Variants in CCN4 observed in about 807,000 individuals in gnomAD.
The protein encoded by CCN4 is CCN family member 4.
CCN4 carries 30 observed loss-of-function variants against 36.7 expected under a neutral mutation model. That is an observed-to-expected ratio of 0.82 (90% CI 0.61 to 1.11). The LOEUF (loss-of-function observed/expected upper bound fraction) is 1.11, where lower values mean the gene tolerates loss of function less well. CCN4 is among the 50% of genes least tolerant of loss of function. The pLI is 0.00. For synonymous variants in CCN4, 191 were observed against 195.4 expected, an observed-to-expected ratio of 0.98 and a Z score of 0.19; for missense variants, 505 against 504.9, an observed-to-expected ratio of 1.00 and a Z score of 0.00.
chr8:133,222,484 G>A lies in CCN4; in HGVS notation c.610+1643G>A, dbSNP rs533086793. ...TTCTCTTTATGGGGAGGAAGGAGAC[G>A]AAATAGGAGAGCTCTGAAGTCATCT... On this transcript the variant is annotated intron_variant, in intron 3 of 4. Transcript: ENST00000250160. Among the ~76,000 whole-genome samples the A allele has an allele frequency of 1.1e-4, 16 of 151,906 alleles. No homozygotes were observed. In the South Asian group the frequency reaches 2.3e-3, roughly 22 times the overall value.
chr8:133,223,112 T>C (rs72731542), intron 3 of CCN4, among the ~76,000 whole-genome samples: 7,679 of 152,012 alleles, frequency 0.051, 256 homozygotes, highest in African/African-American at 0.081. Context: ...CCTGTGAGGA[T>C]AGGAGGAGGC....
intron 1 of CCN4, among the ~76,000 whole-genome samples, chr8:133,196,563 C>T (rs764706997): frequency 3.3e-5 from 5 of 152,212 alleles, no homozygotes; most frequent in Non-Finnish European, 7.4e-5. Flanking sequence ...CACAAGTGTG[C>T]CTAAGGCTAT....
intron 3 of CCN4, among the ~76,000 whole-genome samples, chr8:133,221,906 AATGGATGGATGGAGG>A (rs1477592991): frequency 6.7e-6 from 1 of 148,610 alleles, no homozygotes; most frequent in Non-Finnish European, 1.5e-5. Flanking sequence ...TGGGTCAATT[AATGGATGGATGGAGG>A]ATGGATGGAT....
Position 133,220,164 on chromosome 8 carries a change from G to T in CCN4, c.350-417G>T, listed in dbSNP as rs140455000. ...AAGGCTCCATGAATGTGTATGGAAT[G>T]AATGGAACACGTGTTTCGAAGTGTT... is the stretch of plus-strand genomic sequence containing the variant. On this transcript the variant is annotated intron_variant, in intron 2 of 4. Coordinates refer to ENST00000250160, the MANE Select transcript of CCN4 (RefSeq NM_003882.4). 2.7e-3 allele frequency among the ~76,000 whole-genome samples: 409 copies of T among 152,186 alleles called. 3 individuals are homozygous for T. Among genetic ancestry groups the T allele is most frequent in the Admixed American group, 0.015 (232 of 15,294 alleles).
chr8:133,210,371 A>G (rs1032502549), intron 1 of CCN4, among the ~76,000 whole-genome samples: 2 of 149,106 alleles, frequency 1.3e-5, no homozygotes, highest in African/African-American at 5.1e-5. Context: ...GTCTCTCCCC[A>G]AAGTCAAAAA....
At chr8:133,200,118 A>G (rs1853533473) in intron 1 of CCN4, among the ~76,000 whole-genome samples, 2 of 152,144 alleles carry the variant, frequency 1.3e-5, no homozygotes, top group African/African-American at 4.8e-5. Flanking sequence ...GGAGGAGGGA[A>G]GGGAGATGGA....
At chr8:133,216,586 T>C (rs920013478) in intron 2 of CCN4, among the ~76,000 whole-genome samples, 1 of 152,196 alleles carries the variant, frequency 6.6e-6, no homozygotes, top group Non-Finnish European at 1.5e-5. Context: ...CCAAACTAAA[T>C]ACATCTGTGG....
intron 2 of CCN4, among the ~76,000 whole-genome samples, chr8:133,218,856 G>C (rs994281671): frequency 6.6e-6 from 1 of 152,118 alleles, no homozygotes; most frequent in African/African-American, 2.4e-5. Flanking sequence ...GCCATCTCAC[G>C]CATAATGGAG....
At chr8:133,191,261 T>G in intron 1 of CCN4, 48 bp downstream of exon 1, 5 of 1,567,538 alleles carry the variant, frequency 3.2e-6, no homozygotes, top group Non-Finnish European at 4.3e-6. Flanking sequence ...CTCCCTTCTC[T>G]ACTGGGTCCT....
intron 1 of CCN4, among the ~76,000 whole-genome samples, chr8:133,205,504 C>T (rs1853738646): frequency 6.6e-6 from 1 of 152,110 alleles, no homozygotes; most frequent in South Asian, 2.1e-4. Context: ...AGTGTGTTTG[C>T]AAAGATCATT....
At chr8:133,197,091 A>ATGGTGGTGG (rs900451937) in intron 1 of CCN4, among the ~76,000 whole-genome samples, 1 of 151,342 alleles carries the variant, frequency 6.6e-6, no homozygotes, top group Non-Finnish European at 1.5e-5. Flanking sequence ...GATGATGATG[A>ATGGTGGTGG]TGGTGGTGGT....
chr8:133,220,283 C>A (rs1037734608), intron 2 of CCN4, among the ~76,000 whole-genome samples: 24 of 152,154 alleles, frequency 1.6e-4, no homozygotes, highest in Non-Finnish European at 1.9e-4. Context: ...GTGCTGGGGA[C>A]CCTGCAGGGA....
At chr8:133,192,925 G>A (rs1046985155) in intron 1 of CCN4, among the ~76,000 whole-genome samples, 4 of 152,186 alleles carry the variant, frequency 2.6e-5, no homozygotes, top group African/African-American at 4.8e-5. Context: ...GCAGGTTGGA[G>A]GGAAGGCTCC....
At position 133,227,765 on chromosome 8, in the gene CCN4, C is replaced by A; in HGVS notation, c.*55C>A. ...AACCCAATGCCTGTGAAGCAGTCAG[C>A]CCTTATGGCCAATAACTTTTCACCA... On this transcript the variant is annotated 3_prime_UTR_variant, in exon 5 of 5. Coordinates refer to ENST00000250160, the MANE Select transcript of CCN4 (RefSeq NM_003882.4). 1 of 1,553,930 alleles carries A rather than the reference C, an allele frequency of 6.4e-7. No individual in the cohort carries two copies. The highest frequency in any genetic ancestry group is 8.7e-7 in the Non-Finnish European group (1 of 1,147,506).
intron 4 of CCN4, among the ~76,000 whole-genome samples, chr8:133,226,890 T>C (rs1355511717): frequency 6.6e-6 from 1 of 152,336 alleles, no homozygotes; most frequent in Admixed American, 6.5e-5. Flanking sequence ...AAATCTCAAG[T>C]GGCCCATAGC....
intron 1 of CCN4, 89 bp from the exon 2 acceptor site, chr8:133,212,775 C>T: frequency 2.0e-6 from 2 of 999,280 alleles, no homozygotes; most frequent in Non-Finnish European, 1.5e-6. Flanking sequence ...TTTTGAACAG[C>T]ATGAGGACAG....
At chr8:133,207,152 C>A (rs975740232) in intron 1 of CCN4, among the ~76,000 whole-genome samples, 2 of 152,206 alleles carry the variant, frequency 1.3e-5, no homozygotes, top group East Asian at 3.9e-4. Context: ...TAAGACTCAC[C>A]GGCTCTCCAG....
At chr8:133,220,923 T>C in intron 3 of CCN4, 82 bp downstream of exon 3, 1 of 1,497,314 alleles carries the variant, frequency 6.7e-7, no homozygotes, top group Non-Finnish European at 9.0e-7. Flanking sequence ...CACCATAGAA[T>C]GACTCATTCC....
chr8:133,194,306 G>GT (rs758151522), intron 1 of CCN4, among the ~76,000 whole-genome samples: 25 of 118,910 alleles, frequency 2.1e-4, no homozygotes, highest in Admixed American at 1.2e-3. Context: ...GTGTGTGTGT[G>GT]GTGTGTGTGT....
Sources: allele counts gnomAD v4.1 joint callset (sites outside exome capture counted in the v4.1 genomes callset), GRCh38; gene constraint gnomAD v4.1.1; transcripts MANE v1.5; gene names NCBI Gene and HGNC (gene_info 2026-07-23, HGNC 2026-07-21).